ATR: variants seen among roughly 807,000 people sequenced by gnomAD.
ATR encodes the protein serine/threonine-protein kinase ATR.
Under a neutral mutation model 305.3 loss-of-function variants are expected in ATR, and 142 were observed. The ratio of observed to expected loss-of-function variants is 0.47; its 90% CI spans 0.41 to 0.53. The LOEUF is 0.53. Among genes scored for constraint, ATR ranks in the 20% least tolerant of loss-of-function variants. ATR has a pLI of 0.00. For missense variants in ATR, 2,135 were observed against 3,133.1 expected, an observed-to-expected ratio of 0.68 and a Z score of 7.60; for synonymous variants, 1,050 against 1,068.1, an observed-to-expected ratio of 0.98 and a Z score of 0.33.
chr3:142,469,187 A>C, intron 38 of ATR, 150 bp downstream of exon 38: 2 of 586,968 alleles, frequency 3.4e-6, no homozygotes, highest in South Asian at 5.4e-5. Context: ...TAATGCTATA[A>C]ATTTCTCTCT....
At chr3:142,456,595 A>G (rs1334571505) in intron 45 of ATR, among the ~76,000 whole-genome samples, 2 of 152,150 alleles carry the variant, frequency 1.3e-5, no homozygotes, top group Non-Finnish European at 1.5e-5. Flanking sequence ...AAAGAATAAA[A>G]AAACCCAATT....
intron 21 of ATR, among the ~76,000 whole-genome samples, chr3:142,525,234 C>T (rs2033323498): frequency 1.3e-5 from 2 of 152,112 alleles, no homozygotes; most frequent in African/African-American, 4.8e-5. Flanking sequence ...TCTAGACCTC[C>T]TATTGTTTCC....
At chr3:142,485,114 T>C (rs2108310565) in intron 36 of ATR, 26 bp downstream of exon 36, 1 of 1,613,244 alleles carries the variant, frequency 6.2e-7, no homozygotes, top group Non-Finnish European at 8.5e-7. Flanking sequence ...ATATTTAATC[T>C]GCAAACATGC....
intron 45 of ATR, 142 bp from the exon 46 acceptor site, chr3:142,453,375 A>AAT: frequency 8.4e-7 from 1 of 1,184,394 alleles, no homozygotes; most frequent in Admixed American, 2.3e-5. Context: ...AGTTATGTGA[A>AAT]ATTTCTGTTT....
At chr3:142,482,402 A>G (rs942042384) in intron 36 of ATR, among the ~76,000 whole-genome samples, 3 of 152,246 alleles carry the variant, frequency 2.0e-5, no homozygotes, top group Non-Finnish European at 2.9e-5. Context: ...CTCACTATAC[A>G]TAACAGTTTT....
At chr3:142,517,794 T>C (rs1577616282) in intron 24 of ATR, among the ~76,000 whole-genome samples, 1 of 152,322 alleles carries the variant, frequency 6.6e-6, no homozygotes, top group Non-Finnish European at 1.5e-5. Flanking sequence ...TTATGAAGTA[T>C]ATGATAGCCA....
chr3:142,486,157 C>A (rs1188859752), intron 35 of ATR, among the ~76,000 whole-genome samples: 1 of 152,130 alleles, frequency 6.6e-6, no homozygotes, highest in Non-Finnish European at 1.5e-5. Flanking sequence ...GGGAAATACA[C>A]AGGATCACTG....
At chr3:142,460,920 T>C (rs1050788029) in intron 42 of ATR, among the ~76,000 whole-genome samples, 1 of 152,090 alleles carries the variant, frequency 6.6e-6, no homozygotes, top group Non-Finnish European at 1.5e-5. Context: ...ATCAGGAAAT[T>C]CTTATTATTA....
rs146504354 is a variant in ATR at position 142,547,837 on chromosome 3, C to T, written c.3245G>A (p.Arg1082His). The T allele has an allele frequency of 1.2e-4, 192 of 1,613,768 alleles. No homozygotes were observed. The highest frequency in any genetic ancestry group is 1.4e-4 in the Non-Finnish European group (165 of 1,179,894). Residue 1082 changes from arginine (R) to histidine (H), a missense_variant, in exon 16 of 47, where the codon CGT (arginine) becomes CAT (histidine). By Grantham distance (29) the Arg-to-His change is conservative. This residue lies in a region of ATR where 530 missense variants were observed against 766.8 expected (regional missense o/e 0.69). Coordinates refer to ENST00000350721, the MANE Select transcript of ATR (RefSeq NM_001184.4). ...AACCTGTTGATAGTGTTCTCCAATA[C>T]GCAGCAATAATTCATTATGCAATCC... ...FQGLHNELLL[R>H]IGEHYQQVFN...
intron 15 of ATR, among the ~76,000 whole-genome samples, chr3:142,549,046 G>C (rs947060755): frequency 6.2e-5 from 7 of 113,016 alleles, no homozygotes; most frequent in African/African-American, 2.2e-4. Flanking sequence ...AAGAAGCACA[G>C]GTTATAATTT....
Position 142,469,516 on chromosome 3 carries a change from C to G in ATR, c.6373G>C (p.Val2125Leu), listed in dbSNP as rs1341655239. Reference protein sequence around the residue: ...MRNDLGKINKVITEHTNYLAP... With the variant: ...MRNDLGKINKLITEHTNYLAP... Reference sequence around the variant, plus strand: ...AAATAGTTTGTATGCTCTGTGATAACCTTGTTTATTTTACCCAAATCATTC... The same window carrying G: ...AAATAGTTTGTATGCTCTGTGATAAGCTTGTTTATTTTACCCAAATCATTC... Residue 2125 changes from valine to leucine, a missense_variant, in exon 38 of 47, where the codon GTT (valine) becomes CTT (leucine). Physicochemically the swap from Val to Leu is conservative, Grantham distance 32. Around this residue, in one of 9 missense-constraint regions of ATR, gnomAD observed 462 missense variants for 887.6 expected, o/e 0.52. Transcript: ENST00000350721. 6.2e-7 allele frequency: 1 copy of G among 1,613,866 alleles called. No homozygotes were observed. The highest frequency in any genetic ancestry group is 8.5e-7 in the Non-Finnish European group (1 of 1,179,896).
At position 142,578,706 on chromosome 3, in the gene ATR, C is replaced by T. The variant is rs751257647; in HGVS notation, c.-2G>A. 1 of 1,612,930 alleles carries T rather than the reference C, an allele frequency of 6.2e-7. No homozygotes were observed. The highest frequency in any genetic ancestry group is 1.3e-5 in the African/African-American group (1 of 74,838). ...CAGCTCCAGGCCATGTTCCCCCATG[C>T]TGAGGCTGCGAGGCACTAGTCAACC... On this transcript the variant is annotated 5_prime_UTR_variant, in exon 1 of 47. Transcript: ENST00000350721.
rs769595285 is a variant in ATR at position 142,547,761 on chromosome 3, A to G, written c.3321T>C (p.Tyr1107=). ...GTGATATGATATCTCTCGGGCCCTG[A>G]TATGGATCATCACTGGATGCAAATG... ...LASFASSDDP[Y]QGPRDIISPE... The change falls in exon 16 of 47, where the codon TAT becomes TAC. Residue 1107 remains tyrosine, a synonymous_variant. Transcript: ENST00000350721. 4 of 1,613,970 alleles carry G rather than the reference A, an allele frequency of 2.5e-6. No individual in the cohort carries two copies. Among genetic ancestry groups the G allele is most frequent in the Non-Finnish European group, 3.4e-6 (4 of 1,179,930 alleles).
chr3:142,577,918 C>T (rs1339837902), intron 1 of ATR, among the ~76,000 whole-genome samples: 2 of 152,178 alleles, frequency 1.3e-5, no homozygotes, highest in Non-Finnish European at 2.9e-5. Flanking sequence ...TGGTAAGATA[C>T]TGGTTTTCAT....
intron 21 of ATR, among the ~76,000 whole-genome samples, chr3:142,532,118 G>C (rs991875963): frequency 6.6e-6 from 1 of 152,142 alleles, no homozygotes. Flanking sequence ...TGCACCCACT[G>C]TCTGACACTC....
intron 21 of ATR, among the ~76,000 whole-genome samples, chr3:142,527,124 A>T (rs1379901446): frequency 1.3e-5 from 2 of 152,090 alleles, no homozygotes; most frequent in African/African-American, 4.8e-5. Context: ...GATTTGTTTG[A>T]TAATATTTCA....
chr3:142,552,832 A>G (rs2034522104), intron 13 of ATR, among the ~76,000 whole-genome samples: 1 of 152,098 alleles, frequency 6.6e-6, no homozygotes. Flanking sequence ...ATTGGAAGCC[A>G]TTATCCTCAG....
At chr3:142,493,970 G>A (rs1559935377) in intron 34 of ATR, among the ~76,000 whole-genome samples, 2 of 149,460 alleles carry the variant, frequency 1.3e-5, no homozygotes, top group Non-Finnish European at 3.0e-5. Flanking sequence ...GGAGTCCAAG[G>A]CATCAGTGAG....
chr3:142,562,707 A>G lies in ATR; in HGVS notation c.695T>C (p.Ile232Thr). ...FRRQELLLWQ[I>T]GCVLLEYGSP... ...ACCATACTCTAGCAGAACACAACCTATCTGCCAAAGTAAGAGTTCTTGCCT... is the reference window on the plus strand; with the variant it reads ...ACCATACTCTAGCAGAACACAACCTGTCTGCCAAAGTAAGAGTTCTTGCCT... The change falls in exon 4 of 47, where the codon ATA becomes ACA. Residue 232 changes from isoleucine (I) to threonine (T), a missense_variant. Ile to Thr is a moderately conservative substitution (Grantham distance 89). Around this residue, in one of 9 missense-constraint regions of ATR, gnomAD observed 744 missense variants for 873.2 expected, o/e 0.85. Coordinates refer to ENST00000350721, the MANE Select transcript of ATR (RefSeq NM_001184.4). The G allele has an allele frequency of 6.2e-7, 1 of 1,614,062 alleles. No homozygotes were observed. The highest frequency in any genetic ancestry group is 1.1e-5 in the South Asian group (1 of 91,066).
Sources: allele counts gnomAD v4.1 joint callset (sites outside exome capture counted in the v4.1 genomes callset), GRCh38; gene constraint gnomAD v4.1.1; regional missense constraint gnomAD v4.1.1; transcripts MANE v1.5; gene names NCBI Gene and HGNC (gene_info 2026-07-23, HGNC 2026-07-21).